TMEM132B: variants seen among roughly 807,000 people sequenced by gnomAD.
TMEM132B encodes the protein transmembrane protein 132B.
TMEM132B carries 18 observed loss-of-function variants against 90.8 expected under a neutral mutation model. The observed-to-expected ratio is 0.20, with a 90% confidence interval of 0.14 to 0.29. TMEM132B has a LOEUF of 0.29. Among genes scored for constraint, TMEM132B ranks in the 10% least tolerant of loss-of-function variants. The probability of loss-of-function intolerance (pLI) is 1.00; values close to 1 mark genes in which losing one functional copy is unlikely to be tolerated. For missense variants in TMEM132B, 1,096 were observed against 1,326.8 expected (o/e 0.83, Z 2.70); for synonymous variants, 504 against 523.3 (o/e 0.96, Z 0.50).
At chr12:125,383,470 A>G (rs2136289430) in intron 2 of TMEM132B, among the ~76,000 whole-genome samples, 1 of 152,316 alleles carries the variant, frequency 6.6e-6, no homozygotes, top group East Asian at 1.9e-4. Flanking sequence ...ATAAATGCAT[A>G]GCTATTACAG....
chr12:125,599,145 CA>C (rs1243242095), intron 5 of TMEM132B, among the ~76,000 whole-genome samples: 2 of 152,242 alleles, frequency 1.3e-5, no homozygotes, highest in Admixed American at 1.3e-4. Flanking sequence ...GTAACTGAAT[CA>C]GGGGTGTGGG....
chr12:125,231,526 C>T (rs1238484496), intron 1 of TMEM132B, among the ~76,000 whole-genome samples: 3 of 152,188 alleles, frequency 2.0e-5, no homozygotes, highest in South Asian at 2.1e-4. Context: ...TTAATAGAAG[C>T]GATGTGAATA....
chr12:125,432,397 A>ATATATGTATG lies in TMEM132B; in HGVS notation c.1106+16721_1106+16722insATATGTATGT, dbSNP rs768917407. 7.6e-4 allele frequency among the ~76,000 whole-genome samples: 52 copies of ATATATGTATG among 68,320 alleles called. 17 individuals carry two copies. The highest frequency in any genetic ancestry group is 2.5e-3 in the African/African-American group (38 of 15,436). 44.8% of individuals were successfully genotyped at this position (68,320 alleles called of 152,430 possible). A position where few individuals can be genotyped will look rare whatever the true frequency, so the allele number is the denominator to read the frequency against. Reference sequence around the variant, plus strand: ...TATATATATATATATATATATATATATGTATGTATGTGTATATATATATAT... The same window carrying ATATATGTATG: ...TATATATATATATATATATATATATATATATGTATGTGTATGTATGTGTATATATATATAT... On this transcript the variant is annotated intron_variant, in intron 3 of 8. Coordinates refer to ENST00000682704, the MANE Select transcript of TMEM132B (RefSeq NM_001366854.1).
At chr12:125,507,585 A>C (rs568615713) in intron 3 of TMEM132B, among the ~76,000 whole-genome samples, 12 of 152,152 alleles carry the variant, frequency 7.9e-5, no homozygotes. Context: ...GCCCAGGTAG[A>C]GGCATGAGCT....
At chr12:125,634,818 A>G (rs922307019) in intron 5 of TMEM132B, among the ~76,000 whole-genome samples, 6 of 152,048 alleles carry the variant, frequency 3.9e-5, no homozygotes, top group Non-Finnish European at 7.4e-5. Context: ...AGTTCTCCCC[A>G]TTCTTCCTTC....
chr12:125,620,534 A>G (rs1469486262), intron 5 of TMEM132B, among the ~76,000 whole-genome samples: 1 of 152,238 alleles, frequency 6.6e-6, no homozygotes, highest in Non-Finnish European at 1.5e-5. Flanking sequence ...TTCTCCAATG[A>G]TAAAACAAAC....
At chr12:125,529,141 G>A (rs1247507396) in intron 4 of TMEM132B, among the ~76,000 whole-genome samples, 1 of 151,944 alleles carries the variant, frequency 6.6e-6, no homozygotes, top group Non-Finnish European at 1.5e-5. Context: ...TTGGAGTGCA[G>A]TGGCACAATC....
chr12:125,295,274 C>G (rs1480289603), intron 1 of TMEM132B, among the ~76,000 whole-genome samples: 1 of 152,132 alleles, frequency 6.6e-6, no homozygotes, highest in African/African-American at 2.4e-5. Context: ...AACCACAGAG[C>G]TCTGGGTGGG....
intron 5 of TMEM132B, among the ~76,000 whole-genome samples, chr12:125,597,463 C>T (rs1162313608): frequency 1.3e-5 from 2 of 152,170 alleles, no homozygotes. Context: ...TCTCTTAGAA[C>T]TGCAAGGAGA....
At chr12:125,314,268 T>C (rs1484514074) in intron 1 of TMEM132B, among the ~76,000 whole-genome samples, 2 of 152,200 alleles carry the variant, frequency 1.3e-5, no homozygotes, top group African/African-American at 4.8e-5. Context: ...TAACGAGGGC[T>C]CACCTTCTTG....
intron 1 of TMEM132B, among the ~76,000 whole-genome samples, chr12:125,270,347 C>T (rs60057408): frequency 0.024 from 3,716 of 152,208 alleles, 155 homozygotes; most frequent in African/African-American, 0.085. Context: ...ATCCTTTGCT[C>T]CCTAAGGCCA....
chr12:125,446,870 A>G (rs1188000268), intron 3 of TMEM132B, among the ~76,000 whole-genome samples: 2 of 152,208 alleles, frequency 1.3e-5, no homozygotes, highest in African/African-American at 4.8e-5. Context: ...GGACCAGAGT[A>G]TTGCATTTTG....
chr12:125,603,592 T>C lies in TMEM132B; in HGVS notation c.1437+19598T>C, dbSNP rs376710285. Among the ~76,000 whole-genome samples, 457 of 152,088 alleles carry C rather than the reference T, an allele frequency of 3.0e-3. 2 individuals carry two copies. Among genetic ancestry groups the C allele is most frequent in the African/African-American group, 0.01 (426 of 41,474 alleles). ...AAAGCAATTGCAACAAAAACAAAAA[T>C]TGACAAATGGGATCCAATTAAACTA... On this transcript the variant is annotated intron_variant, in intron 5 of 8. Coordinates refer to ENST00000682704, the MANE Select transcript of TMEM132B (RefSeq NM_001366854.1).
At chr12:125,380,357 C>A (rs143781479) in intron 2 of TMEM132B, among the ~76,000 whole-genome samples, 2 of 152,262 alleles carry the variant, frequency 1.3e-5, no homozygotes, top group Middle Eastern at 3.4e-3. Flanking sequence ...TCACTGTAAC[C>A]CAGGATGATT....
At chr12:125,632,678 GTTTT>G (rs199888506) in intron 5 of TMEM132B, among the ~76,000 whole-genome samples, 1 of 151,354 alleles carries the variant, frequency 6.6e-6, no homozygotes, top group Non-Finnish European at 1.5e-5. Flanking sequence ...TAGTGTCAAA[GTTTT>G]TTTTTCCTCC....
chr12:125,388,138 C>T (rs1412716315), intron 2 of TMEM132B, among the ~76,000 whole-genome samples: 2 of 152,062 alleles, frequency 1.3e-5, no homozygotes, highest in Non-Finnish European at 2.9e-5. Context: ...ACATAAAAAC[C>T]TATTGTCGCC....
chr12:125,562,691 C>T (rs1292408246), intron 4 of TMEM132B, among the ~76,000 whole-genome samples: 1 of 152,166 alleles, frequency 6.6e-6, no homozygotes, highest in Non-Finnish European at 1.5e-5. Context: ...AATTGAATCA[C>T]TACCCCATAC....
At chr12:125,454,407 T>A (rs1881238344) in intron 3 of TMEM132B, among the ~76,000 whole-genome samples, 1 of 151,930 alleles carries the variant, frequency 6.6e-6, no homozygotes, top group East Asian at 1.9e-4. Context: ...TGTGTGTGTG[T>A]GTGTGTGTGT....
intron 4 of TMEM132B, among the ~76,000 whole-genome samples, chr12:125,571,162 C>A (rs117149371): frequency 5.3e-5 from 8 of 152,304 alleles, no homozygotes; most frequent in African/African-American, 9.6e-5. Flanking sequence ...GGAGACCCAG[C>A]GCAGCAGCCG....
Sources: gnomAD v4.1 joint callset for allele counts (sites outside exome capture counted in the v4.1 genomes callset) on GRCh38, gnomAD v4.1.1 for gene constraint, MANE v1.5 for transcripts, NCBI Gene and HGNC (gene_info 2026-07-23, HGNC 2026-07-21) for gene names.